Variants in OTUD7A observed in about 807,000 individuals in gnomAD.
OTUD7A encodes the protein OTU domain-containing protein 7A.
In OTUD7A, 12 loss-of-function variants were observed where a neutral mutation model predicts 65.7. The observed-to-expected ratio is 0.18, with a 90% CI of 0.12 to 0.30. The LOEUF is 0.30. Among genes scored for constraint, OTUD7A ranks in the 10% least tolerant of loss-of-function variants. OTUD7A has a pLI of 1.00. For missense variants in OTUD7A, 1,148 were observed against 1,304.8 expected (o/e 0.88, Z 1.85); for synonymous variants, 641 against 586.3 (o/e 1.09, Z -1.35).
intron 1 of OTUD7A, among the ~76,000 whole-genome samples, chr15:31,670,445 G>C (rs1049545898): frequency 8.5e-5 from 13 of 152,068 alleles, no homozygotes; most frequent in African/African-American, 3.1e-4. Flanking sequence ...AGCATCTGTT[G>C]CTTCTTGGCT....
At chr15:31,791,394 T>C (rs1895811841) in intron 1 of OTUD7A, among the ~76,000 whole-genome samples, 1 of 152,106 alleles carries the variant, frequency 6.6e-6, no homozygotes, top group South Asian at 2.1e-4. Flanking sequence ...AAGAAGTGGG[T>C]TGATGACTCC....
intron 1 of OTUD7A, among the ~76,000 whole-genome samples, chr15:31,665,444 T>C (rs1027220386): frequency 3.3e-5 from 5 of 152,228 alleles, no homozygotes; most frequent in African/African-American, 9.6e-5. Context: ...GGTTGAGTTA[T>C]TGATTTGATT....
chr15:31,863,545 C>T (rs1014591559), intron 1 of OTUD7A, among the ~76,000 whole-genome samples: 2 of 152,200 alleles, frequency 1.3e-5, no homozygotes, highest in African/African-American at 4.8e-5. Context: ...GGCTTCCACC[C>T]TCTGAAGTCA....
intron 1 of OTUD7A, among the ~76,000 whole-genome samples, chr15:31,734,465 G>C (rs892013131): frequency 6.6e-6 from 1 of 152,124 alleles, no homozygotes; most frequent in Non-Finnish European, 1.5e-5. Context: ...TAAGCAAAAA[G>C]AACAAAGCTG....
At chr15:31,527,445 T>C in intron 6 of OTUD7A, 137 bp from the exon 7 acceptor site, 1 of 1,165,368 alleles carries the variant, frequency 8.6e-7, no homozygotes, top group Non-Finnish European at 1.2e-6. Flanking sequence ...TCAGCGGTTC[T>C]GTTAATTCCC....
At position 31,648,842 on chromosome 15, in the gene OTUD7A, C is replaced by A. The variant is rs188766036; in HGVS notation, c.151+6254G>T. On this transcript the variant is annotated intron_variant, in intron 3 of 12. Coordinates refer to ENST00000307050, the MANE Select transcript of OTUD7A (RefSeq NM_001382637.1). ...ATGGTGCGATCTCAGCTCACTACAA[C>A]CTCCGCCTCCTGGGTTTAAGCGATT... Among the ~76,000 whole-genome samples the A allele has an allele frequency of 1.2e-3, 187 of 152,306 alleles. 5 individuals are homozygous for A. The highest frequency in any genetic ancestry group is 4.3e-3 in the African/African-American group (180 of 41,554).
At chr15:31,717,911 T>C (rs1029402412) in intron 1 of OTUD7A, among the ~76,000 whole-genome samples, 23 of 152,246 alleles carry the variant, frequency 1.5e-4, no homozygotes, top group Admixed American at 3.9e-4. Context: ...TGTTGTTTCC[T>C]GACTTTTTAA....
intron 1 of OTUD7A, chr15:31,767,493 T>A: frequency 1.3e-6 from 1 of 771,952 alleles, no homozygotes; most frequent in African/African-American, 1.7e-5. Flanking sequence ...GTGAGGGAGG[T>A]CATCTGATTT....
intron 1 of OTUD7A, among the ~76,000 whole-genome samples, chr15:31,843,143 A>G (rs1186705733): frequency 6.6e-6 from 1 of 151,932 alleles, no homozygotes; most frequent in Non-Finnish European, 1.5e-5. Flanking sequence ...AGTCTATCCC[A>G]CTGGATTGCT....
intron 1 of OTUD7A, among the ~76,000 whole-genome samples, chr15:31,661,781 G>GT (rs1396944109): frequency 3.2e-4 from 49 of 152,156 alleles, no homozygotes; most frequent in Non-Finnish European, 5.7e-4. Context: ...ATCAAATGTT[G>GT]TAAGTTCACA....
intron 1 of OTUD7A, among the ~76,000 whole-genome samples, chr15:31,836,525 T>C (rs910060902): frequency 6.6e-6 from 1 of 152,150 alleles, no homozygotes; most frequent in Non-Finnish European, 1.5e-5. Flanking sequence ...TGAGGCTCAT[T>C]TTAAGATACC....
At chr15:31,726,753 T>C (rs1280556199) in intron 1 of OTUD7A, among the ~76,000 whole-genome samples, 4 of 152,204 alleles carry the variant, frequency 2.6e-5, no homozygotes, top group African/African-American at 9.6e-5. Context: ...CAAGAGCATA[T>C]TCTAGAGGAT....
At chr15:31,533,284 T>C in intron 5 of OTUD7A, among the ~76,000 whole-genome samples, 1 of 150,462 alleles carries the variant, frequency 6.6e-6, no homozygotes, top group East Asian at 1.9e-4. Context: ...TCACCCAGGC[T>C]GGAGTGCAGT....
chr15:31,821,893 T>C (rs1227283149), intron 1 of OTUD7A, among the ~76,000 whole-genome samples: 3 of 152,244 alleles, frequency 2.0e-5, no homozygotes, highest in South Asian at 4.1e-4. Context: ...ATGTGTTTAC[T>C]GGCCATTTGT....
chr15:31,655,028 G>GA, intron 3 of OTUD7A, 68 bp downstream of exon 3: 1 of 1,551,350 alleles, frequency 6.4e-7, no homozygotes, highest in Non-Finnish European at 8.7e-7. Flanking sequence ...TCAGGTATTG[G>GA]AAATCTTCTT....
intron 1 of OTUD7A, among the ~76,000 whole-genome samples, chr15:31,735,019 C>T (rs1243495586): frequency 6.7e-6 from 1 of 149,932 alleles, no homozygotes; most frequent in Admixed American, 6.7e-5. Flanking sequence ...GGTGTAATAT[C>T]CAGTATCTAT....
intron 1 of OTUD7A, among the ~76,000 whole-genome samples, chr15:31,836,139 A>C (rs756261714): frequency 2.6e-5 from 4 of 152,088 alleles, no homozygotes; most frequent in South Asian, 2.1e-4. Context: ...AGAAACCAAA[A>C]CTTTTTTTCC....
intron 3 of OTUD7A, among the ~76,000 whole-genome samples, chr15:31,602,012 T>G (rs989272551): frequency 2.0e-5 from 3 of 152,206 alleles, no homozygotes; most frequent in African/African-American, 7.2e-5. Flanking sequence ...CACAGCCGAA[T>G]TCTACCAAAG....
At chr15:31,651,229 G>T (rs1038674999) in intron 3 of OTUD7A, among the ~76,000 whole-genome samples, 24 of 147,018 alleles carry the variant, frequency 1.6e-4, no homozygotes, top group Non-Finnish European at 3.0e-4. Flanking sequence ...TATAGCAACA[G>T]TTTAAAGCAA....
Sources: allele counts gnomAD v4.1 joint callset (sites outside exome capture counted in the v4.1 genomes callset), GRCh38; gene constraint gnomAD v4.1.1; transcripts MANE v1.5; gene names NCBI Gene and HGNC (gene_info 2026-07-23, HGNC 2026-07-21).